Variants in SPIRE1 observed in about 807,000 individuals in gnomAD.
SPIRE1 encodes spire type actin nucleation factor 1, also known as protein spire homolog 1.
SPIRE1 carries 40 observed loss-of-function variants against 94.1 expected under a neutral mutation model. The observed-to-expected ratio is 0.43, with a 90% confidence interval of 0.33 to 0.55. The LOEUF (loss-of-function observed/expected upper bound fraction) is 0.55, where lower values mean the gene tolerates loss of function less well. Ranked by LOEUF, SPIRE1 falls within the 20% of genes least tolerant of loss-of-function variation. The pLI, the probability that SPIRE1 is intolerant of heterozygous loss-of-function variation, is 0.06. For missense variants in SPIRE1, 838 were observed against 975.2 expected (o/e 0.86, Z 1.87); for synonymous variants, 376 against 371.7 (o/e 1.01, Z -0.13).
At chr18:12,605,257 G>T (rs1014534043) in intron 2 of SPIRE1, among the ~76,000 whole-genome samples, 3 of 152,016 alleles carry the variant, frequency 2.0e-5, no homozygotes, top group African/African-American at 7.2e-5. Context: ...GGTGGCTCAC[G>T]CCTGTAATCC....
At chr18:12,603,783 C>T (rs529168396) in intron 2 of SPIRE1, among the ~76,000 whole-genome samples, 1 of 152,134 alleles carries the variant, frequency 6.6e-6, no homozygotes, top group Admixed American at 6.5e-5. Context: ...CCATATTGGC[C>T]AGGCTGGTCT....
rs117951076 is a variant in SPIRE1 at position 12,461,835 on chromosome 18, G to A, written c.1638+1516C>T. On this transcript the variant is annotated intron_variant, in intron 12 of 16. Transcript: ENST00000409402. ...TTTTGTACAGACAGGGGTTTCTTAA[G>A]TTGCCCAGGCTGGTCTCAAACTTCT... 6.0e-3 allele frequency among the ~76,000 whole-genome samples: 909 copies of A among 152,200 alleles called. 4 individuals carry two copies. Among genetic ancestry groups the A allele is most frequent in the Non-Finnish European group, 8.3e-3 (567 of 68,008 alleles).
intron 10 of SPIRE1, among the ~76,000 whole-genome samples, chr18:12,477,592 A>G (rs2032653938): frequency 2.0e-5 from 3 of 152,228 alleles, no homozygotes; most frequent in Admixed American, 2.0e-4. Flanking sequence ...GGTGGGACAG[A>G]GAAATAAGTG....
intron 12 of SPIRE1, among the ~76,000 whole-genome samples, chr18:12,461,450 GTGTGTA>G (rs2031811621): frequency 7.2e-6 from 1 of 138,118 alleles, no homozygotes; most frequent in African/African-American, 3.3e-5. Context: ...ATACATACAT[GTGTGTA>G]TGTATGTACA....
At chr18:12,533,106 G>A (rs1056978257) in intron 4 of SPIRE1, among the ~76,000 whole-genome samples, 2 of 152,180 alleles carry the variant, frequency 1.3e-5, no homozygotes. Context: ...AGAGAAGACT[G>A]GGAAAGGGTG....
chr18:12,497,969 T>A (rs1386450242), intron 6 of SPIRE1, among the ~76,000 whole-genome samples: 3 of 152,176 alleles, frequency 2.0e-5, no homozygotes, highest in Non-Finnish European at 2.9e-5. Context: ...GGGTCCCAAT[T>A]ACAGATGTGG....
chr18:12,580,324 T>G (rs1428113943), intron 2 of SPIRE1, among the ~76,000 whole-genome samples: 1 of 151,754 alleles, frequency 6.6e-6, no homozygotes, highest in Non-Finnish European at 1.5e-5. Flanking sequence ...GTTCTCTCTC[T>G]CTCTCTTTTT....
chr18:12,649,780 A>G lies in SPIRE1; in HGVS notation c.337+7750T>C, dbSNP rs368756472. 2.1e-3 allele frequency among the ~76,000 whole-genome samples: 315 copies of G among 152,350 alleles called. 1 individual carries two copies. Among genetic ancestry groups the G allele is most frequent in the African/African-American group, 6.9e-3 (287 of 41,582 alleles). ...AGAGTCCTAACTTACTTGAGGACTAATATCTGTAGATGACTAAATTCTTTC... is the reference window on the plus strand; with the variant it reads ...AGAGTCCTAACTTACTTGAGGACTAGTATCTGTAGATGACTAAATTCTTTC... On this transcript the variant is annotated intron_variant, in intron 1 of 16. Transcript: ENST00000409402.
chr18:12,455,113 T>A (rs1446351597), intron 12 of SPIRE1, among the ~76,000 whole-genome samples: 1 of 152,182 alleles, frequency 6.6e-6, no homozygotes, highest in South Asian at 2.1e-4. Context: ...TTTTTTTGTA[T>A]TTTTTGCAGA....
At chr18:12,461,342 G>A (rs1415501161) in intron 12 of SPIRE1, among the ~76,000 whole-genome samples, 1 of 152,030 alleles carries the variant, frequency 6.6e-6, no homozygotes, top group African/African-American at 2.4e-5. Flanking sequence ...GAAAAGCTGA[G>A]TGAAGAAGAG....
chr18:12,612,136 A>C (rs1885145781), intron 2 of SPIRE1, among the ~76,000 whole-genome samples: 1 of 152,126 alleles, frequency 6.6e-6, no homozygotes, highest in African/African-American at 2.4e-5. Context: ...CCTGCTTGTC[A>C]ATAACCACTA....
rs2030981436 is a variant in SPIRE1 at position 12,447,289 on chromosome 18, C to T, written c.*2349G>A. The T allele has an allele frequency of 6.6e-6, 1 of 151,806 alleles. No homozygotes were observed. The highest frequency in any genetic ancestry group is 1.5e-5 in the Non-Finnish European group (1 of 68,042). 9.4% of individuals were successfully genotyped at this position (151,806 alleles called of 1,614,324 possible). Reference sequence around the variant, plus strand: ...TTGTTGGATTAGAAGTAAAACTGAACAAGAAACCAGGACACGGAAGGAAGA... The same window carrying T: ...TTGTTGGATTAGAAGTAAAACTGAATAAGAAACCAGGACACGGAAGGAAGA... On this transcript the variant is annotated 3_prime_UTR_variant, in exon 17 of 17. Coordinates refer to ENST00000409402, the MANE Select transcript of SPIRE1 (RefSeq NM_001128626.2).
intron 3 of SPIRE1, among the ~76,000 whole-genome samples, chr18:12,543,539 T>C (rs561729421): frequency 6.6e-6 from 1 of 152,340 alleles, no homozygotes; most frequent in East Asian, 1.9e-4. Flanking sequence ...AAACGGGTAT[T>C]GGAATGCCTG....
chr18:12,603,849 A>T (rs1200824756), intron 2 of SPIRE1, among the ~76,000 whole-genome samples: 1 of 152,184 alleles, frequency 6.6e-6, no homozygotes, highest in Non-Finnish European at 1.5e-5. Context: ...CTGGGATTAC[A>T]GGCATGAGCC....
At chr18:12,513,391 T>A (rs1448440242) in intron 4 of SPIRE1, among the ~76,000 whole-genome samples, 1 of 152,188 alleles carries the variant, frequency 6.6e-6, no homozygotes, top group Non-Finnish European at 1.5e-5. Context: ...AACTGAGTTT[T>A]AAAAAAATTT....
chr18:12,655,123 C>A (rs1251056239), intron 1 of SPIRE1, among the ~76,000 whole-genome samples: 3 of 151,390 alleles, frequency 2.0e-5, no homozygotes, highest in Admixed American at 2.0e-4. Context: ...CAGGCCAAGG[C>A]AGTTGGATCA....
chr18:12,547,279 C>CA (rs1598457177), intron 2 of SPIRE1, among the ~76,000 whole-genome samples: 1 of 152,158 alleles, frequency 6.6e-6, no homozygotes, highest in African/African-American at 2.4e-5. Context: ...TAAACAACAA[C>CA]AAAAATCTAT....
intron 2 of SPIRE1, among the ~76,000 whole-genome samples, chr18:12,577,513 G>C (rs538827346): frequency 6.6e-6 from 1 of 151,914 alleles, no homozygotes; most frequent in East Asian, 1.9e-4. Flanking sequence ...GAAAATTCTA[G>C]AAAAAAAGGA....
chr18:12,560,568 A>G (rs2035652430), intron 2 of SPIRE1, among the ~76,000 whole-genome samples: 1 of 152,194 alleles, frequency 6.6e-6, no homozygotes, highest in South Asian at 2.1e-4. Context: ...GCAGAAGGAA[A>G]GGCTGAGTGT....
Sources: gnomAD v4.1 joint callset for allele counts (sites outside exome capture counted in the v4.1 genomes callset) on GRCh38, gnomAD v4.1.1 for gene constraint, MANE v1.5 for transcripts, NCBI Gene and HGNC (gene_info 2026-07-23, HGNC 2026-07-21) for gene names.